Variants in HDAC10 observed in about 807,000 individuals in gnomAD.
HDAC10 encodes the protein histone deacetylase 10.
In HDAC10, 90 loss-of-function variants were observed where a neutral mutation model predicts 82.3. The ratio of observed to expected loss-of-function variants is 1.09; its 90% CI spans 0.92 to 1.30. The LOEUF (loss-of-function observed/expected upper bound fraction) is 1.30. Among genes scored for constraint, HDAC10 ranks in the 50% most tolerant of loss-of-function variants. The pLI is 0.00. For missense variants in HDAC10, 934 were observed against 876.3 expected (o/e 1.07, Z -0.83); for synonymous variants, 456 against 391.7 (o/e 1.16, Z -1.94).
chr22:50,248,428 T>C lies in HDAC10; in HGVS notation c.951A>G (p.Thr317=), dbSNP rs2147237840. ...CCGGGTCACCCAGCAGCGTCTGTACTGTCATGCACACTGACTCCGCCAGTG... is the reference window on the plus strand; with the variant it reads ...CCGGGTCACCCAGCAGCGTCTGTACCGTCATGCACACTGACTCCGCCAGTG... The part of the protein sequence containing the change: ...LESLAESVCM[T]VQTLLGDPAP... The change falls in exon 11 of 20, where the codon ACA becomes ACG. Residue 317 remains threonine, a synonymous_variant. Transcript: ENST00000216271. The surrounding 1 kb of genome is among the most constrained non-coding windows in gnomAD (Gnocchi z 5.4). The C allele has an allele frequency of 6.2e-7, 1 of 1,608,666 alleles. No homozygotes were observed.
Position 50,249,884 on chromosome 22 carries a change from G to T in HDAC10, c.470C>A (p.Ala157Asp), listed in dbSNP as rs769811862. The T allele has an allele frequency of 1.2e-6, 2 of 1,612,676 alleles. No homozygotes were observed. Among genetic ancestry groups the T allele is most frequent in the Non-Finnish European group, 1.7e-6 (2 of 1,179,784 alleles). The change falls in exon 5 of 20, where the codon GCC (alanine) becomes GAC (aspartate). Residue 157 changes from alanine (A) to aspartate (D), a missense_variant. By Grantham distance (126) the Ala-to-Asp change is moderately radical. Coordinates refer to ENST00000216271, the MANE Select transcript of HDAC10 (RefSeq NM_032019.6). This position sits in a 1 kb window ranked among gnomAD's most constrained non-coding sequence, Gnocchi z 4.4. ...FNNVAIAAAH[A>D]KQKHGLHRIL... The stretch of plus-strand genomic sequence containing the variant: ...CCTGTGTAGCCCGTGTTTCTGCTTG[G>T]CATGTGCAGCTGCTATGGCCACGTT...
intron 14 of HDAC10, chr22:50,247,188 G>A: frequency 2.3e-6 from 1 of 440,208 alleles, no homozygotes; most frequent in Non-Finnish European, 4.0e-6. Flanking sequence ...AGCCAGGCTG[G>A]CGTGCAGTGG....
At position 50,251,248 on chromosome 22, in the gene HDAC10, G is replaced by A. The variant is rs777659706; in HGVS notation, c.-216C>T. 5.1e-4 allele frequency: 247 copies of A among 484,694 alleles called. No individual in the cohort carries two copies. The highest frequency in any genetic ancestry group is 1.0e-3 in the South Asian group (31 of 29,872). The allele number at this position is 484,694 out of a possible 1,614,324, so 30.0% of individuals were successfully genotyped here. A position where few individuals can be genotyped will look rare whatever the true frequency, so the allele number is the denominator to read the frequency against. The stretch of plus-strand genomic sequence containing the variant: ...CACGGAGCGAGGCTGCAGTCGAAGG[G>A]GGAGGCTCCCCGCGCCTGGCTTCCG... On this transcript the variant is annotated 5_prime_UTR_variant, in exon 1 of 20. Transcript: ENST00000216271.
chr22:50,249,669 G>A lies in HDAC10; in HGVS notation c.529C>T (p.Gln177Ter), dbSNP rs1404352996. ...LVVDWDVHHG[Q>*]GIQYLFEDDP... The stretch of plus-strand genomic sequence containing the variant: ...TCCTCAAAGAGATACTGGATCCCCT[G>A]GCCATGGTGCACATCCCAGTCCACG... Residue 177 changes from glutamine (Q) to a stop codon, truncating the protein, a stop_gained, in exon 6 of 20, where the codon CAG (glutamine) becomes TAG (stop). Coordinates refer to ENST00000216271, the MANE Select transcript of HDAC10 (RefSeq NM_032019.6). LOFTEE classifies it high-confidence loss of function. The surrounding 1 kb of genome is among the most constrained non-coding windows in gnomAD (Gnocchi z 4.4). 2 of 1,612,778 alleles carry A rather than the reference G, an allele frequency of 1.2e-6. No individual in the cohort carries two copies. The highest frequency in any genetic ancestry group is 1.7e-6 in the Non-Finnish European group (2 of 1,179,982).
rs758280336 is a variant in HDAC10, at chr22:50,245,490, T to C, written c.*17A>G. 3.7e-6 allele frequency: 3 copies of C among 816,894 alleles called. No homozygotes were observed. The highest frequency in any genetic ancestry group is 6.6e-6 in the Non-Finnish European group (3 of 457,752). 50.6% of individuals were successfully genotyped at this position (816,894 alleles called of 1,614,324 possible). ...GGTGTCATTTCTGCGGTGTAAATGC[T>C]CCCACCTTGGCCGATTTCAAGCCAC... is the stretch of plus-strand genomic sequence containing the variant. On this transcript the variant is annotated 3_prime_UTR_variant, in exon 20 of 20. Coordinates refer to ENST00000216271, the MANE Select transcript of HDAC10 (RefSeq NM_032019.6).
rs144165433 is a variant in HDAC10, at chr22:50,245,668, G to C, written c.1986+7C>G. 1 of 1,612,896 alleles carries C rather than the reference G, an allele frequency of 6.2e-7. No homozygotes were observed. Among genetic ancestry groups the C allele is most frequent in the African/African-American group, 1.3e-5 (1 of 74,940 alleles). On this transcript the variant is annotated splice_region_variant and intron_variant, in intron 19 of 19. Transcript: ENST00000216271. ...GGGCAGGGCCATGCCTCCGCAGTCA[G>C]CCTCACCTGCAACATCTTCCACTGA...
rs572231833 is a variant in HDAC10, at chr22:50,249,902, G to A, written c.452C>T (p.Ala151Val). The A allele has an allele frequency of 3.1e-6, 5 of 1,612,838 alleles. No homozygotes were observed. The highest frequency in any genetic ancestry group is 2.2e-5 in the South Asian group (2 of 91,088). The change falls in exon 5 of 20, where the codon GCC becomes GTC. Residue 151 changes from alanine (A) to valine (V), a missense_variant. Ala to Val is a moderately conservative substitution (Grantham distance 64). Coordinates refer to ENST00000216271, the MANE Select transcript of HDAC10 (RefSeq NM_032019.6). This position sits in a 1 kb window ranked among gnomAD's most constrained non-coding sequence, Gnocchi z 4.4. ...CTGCTTGGCATGTGCAGCTGCTATG[G>A]CCACGTTGTTGAACACACAGAACCC... ...ANGFCVFNNV[A>V]IAAAHAKQKH...
Position 50,248,113 on chromosome 22 carries a change from G to A in HDAC10, c.1114C>T (p.His372Tyr), listed in dbSNP as rs1290937002. Residue 372 changes from histidine (H) to tyrosine (Y), a missense_variant, in exon 13 of 20, where the codon CAC becomes TAC. His to Tyr is a moderately conservative substitution (Grantham distance 83). Coordinates refer to ENST00000216271, the MANE Select transcript of HDAC10 (RefSeq NM_032019.6). This position sits in a 1 kb window ranked among gnomAD's most constrained non-coding sequence, Gnocchi z 5.4. Reference sequence around the variant, plus strand: ...GGTGGAGGCCTCCCCTCTGGGGAGTGGCTGCTGGGGCTCATCGGCACAGCG... The same window carrying A: ...GGTGGAGGCCTCCCCTCTGGGGAGTAGCTGCTGGGGCTCATCGGCACAGCG... The part of the protein sequence containing the change: ...VTAVPMSPSS[H>Y]SPEGRPPPLL... 6.3e-6 allele frequency: 10 copies of A among 1,588,156 alleles called. No individual in the cohort carries two copies. The highest frequency in any genetic ancestry group is 8.6e-6 in the Non-Finnish European group (10 of 1,165,302).
At chr22:50,247,626 CGTT>C (rs1487742811) in intron 14 of HDAC10, 63 bp downstream of exon 14, 34 of 1,167,018 alleles carry the variant, frequency 2.9e-5, no homozygotes, top group Non-Finnish European at 4.1e-5. Context: ...GGCCACATCT[CGTT>C]GGCAGGTCCT....
Position 50,249,242 on chromosome 22 carries a change from C to T in HDAC10, c.691-74G>A, listed in dbSNP as rs1362564105. 2 of 1,317,428 alleles carry T rather than the reference C, an allele frequency of 1.5e-6. No homozygotes were observed. Among genetic ancestry groups the T allele is most frequent in the Non-Finnish European group, 2.1e-6 (2 of 966,326 alleles). 81.6% of individuals were successfully genotyped at this position (1,317,428 alleles called of 1,614,324 possible). A position where few individuals can be genotyped will look rare whatever the true frequency, so the allele number is the denominator to read the frequency against. ...GCCCGGGGGAGGGGGTGGGTGGGGA[C>T]CTGGGGCTTGAGGGTGAACTGTGGG... On this transcript the variant is annotated intron_variant, in intron 7 of 19. Transcript: ENST00000216271. The surrounding 1 kb of genome is among the most constrained non-coding windows in gnomAD (Gnocchi z 4.4).
chr22:50,249,042 A>G lies in HDAC10; in HGVS notation c.756+61T>C. ...ACCCTCCTCCTGCCTTCACTGGCGC[A>G]CTCCAGGCACAAGGTCCCCCTCCCA... On this transcript the variant is annotated intron_variant, in intron 8 of 19. Transcript: ENST00000216271. The surrounding 1 kb of genome is among the most constrained non-coding windows in gnomAD (Gnocchi z 4.4). 1 of 1,480,802 alleles carries G rather than the reference A, an allele frequency of 6.8e-7. No individual in the cohort carries two copies. The highest frequency in any genetic ancestry group is 9.2e-7 in the Non-Finnish European group (1 of 1,081,200). 91.7% of individuals were successfully genotyped at this position (1,480,802 alleles called of 1,614,324 possible). A position where few individuals can be genotyped will look rare whatever the true frequency, so the allele number is the denominator to read the frequency against.
At position 50,246,663 on chromosome 22, in the gene HDAC10, G is replaced by T; in HGVS notation, c.1571+16C>A. ...CACATGCATGGCTGGACATATGCAA[G>T]ACCTGAGAGTCCTACCCGTCATGGG... On this transcript the variant is annotated intron_variant, in intron 16 of 19. Coordinates refer to ENST00000216271, the MANE Select transcript of HDAC10 (RefSeq NM_032019.6). 6.2e-7 allele frequency: 1 copy of T among 1,610,270 alleles called. No individual in the cohort carries two copies. Among genetic ancestry groups the T allele is most frequent in the South Asian group, 1.1e-5 (1 of 90,986 alleles).
At chr22:50,250,017 C>T (rs1224680724) in intron 4 of HDAC10, 46 bp downstream of exon 4, 2 of 1,607,008 alleles carry the variant, frequency 1.2e-6, no homozygotes, top group Admixed American at 1.7e-5. Context: ...TGGCCCCTCA[C>T]AGGGCCACCC....
At position 50,250,501 on chromosome 22, in the gene HDAC10, T is replaced by C. The variant is rs1187625060; in HGVS notation, c.217A>G (p.Arg73Gly). The change falls in exon 3 of 20, where the codon AGG becomes GGG. Residue 73 changes from arginine (R) to glycine (G), a missense_variant. Physicochemically the swap from Arg to Gly is moderately radical, Grantham distance 125. Transcript: ENST00000216271. Reference protein sequence around the residue: ...VHSPEYVSLVRETQVLGKEEL... With the variant: ...VHSPEYVSLVGETQVLGKEEL... Reference sequence around the variant, plus strand: ...TCCTTGCCTAGGACCTGGGTCTCCCTGACCAGGGATACATACTCTGGGCTG... The same window carrying C: ...TCCTTGCCTAGGACCTGGGTCTCCCCGACCAGGGATACATACTCTGGGCTG... The C allele has an allele frequency of 6.2e-7, 1 of 1,612,606 alleles. No homozygotes were observed. The highest frequency in any genetic ancestry group is 1.1e-5 in the South Asian group (1 of 91,078).
In HDAC10 at chr22:50,248,223, A is replaced by G; in HGVS notation, c.1081+2T>C. The G allele has an allele frequency of 6.2e-7, 1 of 1,611,632 alleles. No individual in the cohort carries two copies. The highest frequency in any genetic ancestry group is 8.5e-7 in the Non-Finnish European group (1 of 1,179,608). ...TGCAGCCTAGCACCCGGCCACACTG[A>G]CCTTGCTGCTGGAGGCTCTTCCAGT... On this transcript the variant is annotated splice_donor_variant, in intron 12 of 19. Transcript: ENST00000216271. LOFTEE classifies it high-confidence loss of function. The surrounding 1 kb of genome is among the most constrained non-coding windows in gnomAD (Gnocchi z 5.4).
chr22:50,250,134 G>A lies in HDAC10; in HGVS notation c.318C>T (p.Ala106=), dbSNP rs757390436. Residue 106 remains alanine (A), a synonymous_variant, in exon 4 of 20, where the codon GCC becomes GCT. Transcript: ENST00000216271. ...CCACCAGCTGCAGTCCAGCCCCTGCGGCCAGCCGCGCGCAGTGAAAGGTAC... is the reference window on the plus strand; with the variant it reads ...CCACCAGCTGCAGTCCAGCCCCTGCAGCCAGCCGCGCGCAGTGAAAGGTAC... The part of the protein sequence containing the change: ...HPSTFHCARL[A]AGAGLQLVDA... The A allele has an allele frequency of 1.9e-5, 31 of 1,612,442 alleles. No individual in the cohort carries two copies. The highest frequency in any genetic ancestry group is 9.9e-5 in the South Asian group (9 of 91,086).
At position 50,247,769 on chromosome 22, in the gene HDAC10, C is replaced by T. The variant is rs1444588184; in HGVS notation, c.1345G>A (p.Glu449Lys). Residue 449 changes from glutamate to lysine, a missense_variant, in exon 14 of 20, where the codon GAG becomes AAG. Coordinates refer to ENST00000216271, the MANE Select transcript of HDAC10 (RefSeq NM_032019.6). ...EETEAWARPH[E>K]SLAREEALTA... is the part of the protein sequence containing the mutation. ...AGGGCCTCCTCCCGGGCCAGGGACT[C>T]GTGTGGCCTGTGGTGGACAGACCAG... 1.2e-6 allele frequency: 2 copies of T among 1,610,390 alleles called. No individual in the cohort carries two copies. Among genetic ancestry groups the T allele is most frequent in the African/African-American group, 1.3e-5 (1 of 74,998 alleles).
intron 17 of HDAC10, 43 bp downstream of exon 17, chr22:50,246,255 G>A (rs1236027456): frequency 6.4e-7 from 1 of 1,571,908 alleles, no homozygotes. Flanking sequence ...ACACATCCAT[G>A]GGCTCCCCAG....
chr22:50,247,988 A>G lies in HDAC10; in HGVS notation c.1239T>C (p.Ala413=), dbSNP rs995254308. The G allele has an allele frequency of 1.2e-6, 2 of 1,612,754 alleles. No individual in the cohort carries two copies. The highest frequency in any genetic ancestry group is 1.3e-5 in the African/African-American group (1 of 74,934). The change falls in exon 13 of 20, where the codon GCT becomes GCC. Residue 413 remains alanine, a synonymous_variant. Coordinates refer to ENST00000216271, the MANE Select transcript of HDAC10 (RefSeq NM_032019.6). ...TGATATCCGGCGTTGTCAGGGCAACAGCGGTGCGGACAGAGGGTGCGGGGC... is the reference window on the plus strand; with the variant it reads ...TGATATCCGGCGTTGTCAGGGCAACGGCGGTGCGGACAGAGGGTGCGGGGC... The part of the protein sequence containing the change: ...CLCPAPSVRT[A]VALTTPDITL...
Sources: allele counts gnomAD v4.1 joint callset, GRCh38; gene constraint gnomAD v4.1.1; non-coding constraint Gnocchi (gnomAD v3.1); transcripts MANE v1.5; gene names NCBI Gene and HGNC (gene_info 2026-07-23, HGNC 2026-07-21).